NKD1: variants seen among roughly 807,000 people sequenced by gnomAD.
NKD1 encodes the protein protein naked cuticle homolog 1.
Under a neutral mutation model 56.0 loss-of-function variants are expected in NKD1, and 21 were observed. The ratio of observed to expected loss-of-function variants is 0.38; its 90% CI spans 0.27 to 0.54. The LOEUF (loss-of-function observed/expected upper bound fraction) is 0.54, where lower values mean the gene tolerates loss of function less well. Ranked by LOEUF, NKD1 falls within the 20% of genes least tolerant of loss-of-function variation. The probability of loss-of-function intolerance (pLI) is 0.82; values close to 1 mark genes in which losing one functional copy is unlikely to be tolerated. For synonymous variants in NKD1, 263 were observed against 265.7 expected, an observed-to-expected ratio of 0.99 and a Z score of 0.10; for missense variants, 578 against 642.7, an observed-to-expected ratio of 0.90 and a Z score of 1.09.
chr16:50,574,443 A>C (rs1167913057), intron 3 of NKD1: 1 of 985,264 alleles, frequency 1.0e-6, no homozygotes, highest in Non-Finnish European at 1.2e-6. Flanking sequence ...TAAATTTAGG[A>C]TTCCTTGGGA....
At chr16:50,570,974 T>C (rs1596712367) in intron 3 of NKD1, 1 of 985,404 alleles carries the variant, frequency 1.0e-6, no homozygotes, top group South Asian at 4.7e-5. Flanking sequence ...TGGCTGGTGG[T>C]ATCCTTCACT....
At chr16:50,571,715 T>C (rs1449720618) in intron 3 of NKD1, among the ~76,000 whole-genome samples, 1 of 152,128 alleles carries the variant, frequency 6.6e-6, no homozygotes, top group African/African-American at 2.4e-5. Context: ...CCCATCCTCT[T>C]CTAAGCCATC....
intron 3 of NKD1, chr16:50,575,263 G>A (rs971289539): frequency 8.1e-6 from 8 of 985,286 alleles, no homozygotes; most frequent in Admixed American, 1.2e-4. Context: ...CTGGGGTAAC[G>A]TTGGCACTAA....
rs548359915 is a variant in NKD1, at chr16:50,604,602, C to T, written c.193-3692C>T. On this transcript the variant is annotated intron_variant, in intron 3 of 9. Coordinates refer to ENST00000268459, the MANE Select transcript of NKD1 (RefSeq NM_033119.5). ...TCCTTATTGCTGTCGCCCCTGTTTA[C>T]GAATGGGGAGACTGAGGTGCACTAG... 4.6e-4 allele frequency among the ~76,000 whole-genome samples: 70 copies of T among 152,302 alleles called. 1 individual carries two copies. The highest frequency in any genetic ancestry group is 3.1e-4 in the Non-Finnish European group (21 of 68,024).
chr16:50,615,586 A>G (rs1961942045), intron 4 of NKD1, among the ~76,000 whole-genome samples: 1 of 152,196 alleles, frequency 6.6e-6, no homozygotes, highest in Non-Finnish European at 1.5e-5. Flanking sequence ...AGGCTCAGAA[A>G]AGGGAAAGCA....
At chr16:50,549,936 G>T (rs1356776454) in intron 3 of NKD1, among the ~76,000 whole-genome samples, 3 of 152,148 alleles carry the variant, frequency 2.0e-5, no homozygotes, top group Non-Finnish European at 4.4e-5. Flanking sequence ...GGGGTGTCTG[G>T]GTGGAAGGCA....
chr16:50,646,118 G>C lies in NKD1; in HGVS notation c.*12337G>C, dbSNP rs2151284372. ...CTGTGGAGACAAGATGCTAACGGGG[G>C]CGGGGGAAGGGGGCCAGGGGGCGGC... is the stretch of plus-strand genomic sequence containing the variant. On this transcript the variant is annotated 3_prime_UTR_variant, in exon 10 of 10. Transcript: ENST00000268459. 1 of 151,702 alleles carries C rather than the reference G, an allele frequency of 6.6e-6. No homozygotes were observed. The highest frequency in any genetic ancestry group is 1.9e-4 in the East Asian group (1 of 5,144). The allele number at this position is 151,702 out of a possible 1,614,324, so 9.4% of individuals were successfully genotyped here.
chr16:50,580,131 A>T (rs140502604), intron 3 of NKD1, among the ~76,000 whole-genome samples: 1 of 152,372 alleles, frequency 6.6e-6, no homozygotes, highest in Non-Finnish European at 1.5e-5. Flanking sequence ...GCACTCTCTC[A>T]GTCCCGTGGA....
chr16:50,633,248 C>G lies in NKD1; in HGVS notation c.880C>G (p.Arg294Gly). The change falls in exon 10 of 10, where the codon CGA (arginine) becomes GGA (glycine). Residue 294 changes from arginine to glycine, a missense_variant. Physicochemically the swap from Arg to Gly is moderately radical, Grantham distance 125. Coordinates refer to ENST00000268459, the MANE Select transcript of NKD1 (RefSeq NM_033119.5). This position sits in a 1 kb window ranked among gnomAD's most constrained non-coding sequence, Gnocchi z 4.9. The stretch of plus-strand genomic sequence containing the variant: ...GCCCCCCCGCACCTCCAATCCCACT[C>G]GATCTCGCTCCCATGAGCCGGAAGC... The part of the protein sequence containing the change: ...ELPPRTSNPT[R>G]SRSHEPEAIH... 1.9e-6 allele frequency: 3 copies of G among 1,613,968 alleles called. No homozygotes were observed. The highest frequency in any genetic ancestry group is 2.5e-6 in the Non-Finnish European group (3 of 1,179,908).
Position 50,646,741 on chromosome 16 carries a change from C to G in NKD1, c.*12960C>G, listed in dbSNP as rs1367548890. The stretch of plus-strand genomic sequence containing the variant: ...ACACCCTGGAACACCCAAGGGGGCT[C>G]CAAGGCAGGATGGGACCCCCTGGTT... On this transcript the variant is annotated 3_prime_UTR_variant, in exon 10 of 10. Coordinates refer to ENST00000268459, the MANE Select transcript of NKD1 (RefSeq NM_033119.5). 3 of 152,320 alleles carry G rather than the reference C, an allele frequency of 2.0e-5. No homozygotes were observed. Among genetic ancestry groups the G allele is most frequent in the African/African-American group, 7.2e-5 (3 of 41,438 alleles). 9.4% of individuals were successfully genotyped at this position (152,320 alleles called of 1,614,324 possible). A position where few individuals can be genotyped will look rare whatever the true frequency, so the allele number is the denominator to read the frequency against.
Position 50,621,453 on chromosome 16 carries a change from GT to G in NKD1, c.260-147del. 8.5e-6 allele frequency: 5 copies of G among 587,614 alleles called. No homozygotes were observed. The South Asian group carries it at 1.0e-4, about 12-fold the overall frequency. 36.4% of individuals were successfully genotyped at this position (587,614 alleles called of 1,614,324 possible). A position where few individuals can be genotyped will look rare whatever the true frequency, so the allele number is the denominator to read the frequency against. ...GTACCAGGTGCCAGAGTAGTGTGAT[GT>G]TGACCCCAGCAAATGGGCAGGGCAG... On this transcript the variant is annotated intron_variant, in intron 4 of 9. Coordinates refer to ENST00000268459, the MANE Select transcript of NKD1 (RefSeq NM_033119.5).
chr16:50,573,998 C>G (rs1229291415), intron 3 of NKD1: 15 of 953,218 alleles, frequency 1.6e-5, no homozygotes, highest in African/African-American at 1.8e-5. Flanking sequence ...GCATGTGTGT[C>G]TATATATACA....
chr16:50,602,916 A>C (rs1961628115), intron 3 of NKD1, among the ~76,000 whole-genome samples: 1 of 152,212 alleles, frequency 6.6e-6, no homozygotes, highest in African/African-American at 2.4e-5. Flanking sequence ...CAGGAAGTGC[A>C]TTGCCCTAAA....
chr16:50,619,434 C>A (rs1037466326), intron 4 of NKD1, among the ~76,000 whole-genome samples: 2 of 152,130 alleles, frequency 1.3e-5, no homozygotes, highest in African/African-American at 4.8e-5. Flanking sequence ...GAAAGTGAGG[C>A]CATCATATTC....
At chr16:50,570,024 G>A (rs1033073103) in intron 3 of NKD1, among the ~76,000 whole-genome samples, 4 of 152,152 alleles carry the variant, frequency 2.6e-5, no homozygotes, top group Middle Eastern at 3.2e-3. Flanking sequence ...TGGATTGGGA[G>A]TGCTCAGGGG....
chr16:50,558,720 A>C (rs1439850084), intron 3 of NKD1: 4 of 121,828 alleles, frequency 3.3e-5, no homozygotes, highest in African/African-American at 1.3e-4. Context: ...CTAAAAATAC[A>C]AAAAAAAAAA....
At chr16:50,562,212 G>C (rs773484023) in intron 3 of NKD1, 4 of 598,798 alleles carry the variant, frequency 6.7e-6, no homozygotes, top group Non-Finnish European at 8.4e-6. Flanking sequence ...AAGAGACCCT[G>C]AGACGCTGCT....
At chr16:50,599,888 G>A (rs999702965) in intron 3 of NKD1, among the ~76,000 whole-genome samples, 2 of 152,162 alleles carry the variant, frequency 1.3e-5, no homozygotes, top group Admixed American at 6.5e-5. Flanking sequence ...CTTTTCTGTT[G>A]TTGGTGTTGG....
chr16:50,613,669 G>C (rs904085276), intron 4 of NKD1: 12 of 150,350 alleles, frequency 8.0e-5, no homozygotes, highest in Middle Eastern at 6.8e-3. Flanking sequence ...TCAGATACCG[G>C]AGAGGCTTTA....
Sources: gnomAD v4.1 joint callset for allele counts (sites outside exome capture counted in the v4.1 genomes callset) on GRCh38, gnomAD v4.1.1 for gene constraint, Gnocchi (gnomAD v3.1) non-coding constraint, MANE v1.5 for transcripts, NCBI Gene and HGNC (gene_info 2026-07-23, HGNC 2026-07-21) for gene names.